The following CDH13 variants were observed in gnomAD, a reference collection of about 807,000 sequenced individuals.
CDH13 encodes the protein cadherin 13, also known as cadherin-13.
In CDH13, 24 loss-of-function variants were observed where a neutral mutation model predicts 63.8. The observed-to-expected ratio is 0.38, with a 90% CI of 0.27 to 0.53. CDH13 has a LOEUF of 0.53. Among genes scored for constraint, CDH13 ranks in the 20% least tolerant of loss-of-function variants. CDH13 has a pLI of 0.85. For synonymous variants in CDH13, 503 were observed against 355.3 expected (o/e 1.42, Z -4.67); for missense variants, 1,049 against 903.1 (o/e 1.16, Z -2.07).
At chr16:83,209,978 C>T (rs1023304435) in intron 4 of CDH13, among the ~76,000 whole-genome samples, 1 of 152,088 alleles carries the variant, frequency 6.6e-6, no homozygotes, top group Admixed American at 6.5e-5. Flanking sequence ...TGGCTTCGGA[C>T]TGGAGAAGCA....
intron 7 of CDH13, among the ~76,000 whole-genome samples, chr16:83,554,587 G>C (rs189688038): frequency 3.4e-4 from 51 of 152,096 alleles, no homozygotes; most frequent in Non-Finnish European, 6.0e-4. Flanking sequence ...TTATGAAGAG[G>C]GGAGTCTCAC....
At chr16:82,683,832 G>A (rs549037665) in intron 1 of CDH13, among the ~76,000 whole-genome samples, 1 of 152,174 alleles carries the variant, frequency 6.6e-6, no homozygotes, top group Non-Finnish European at 1.5e-5. Flanking sequence ...TCTGGTGATG[G>A]TAGACATTAT....
At chr16:83,490,877 C>G (rs965464199) in intron 7 of CDH13, among the ~76,000 whole-genome samples, 8 of 152,180 alleles carry the variant, frequency 5.3e-5, no homozygotes, top group African/African-American at 1.9e-4. Flanking sequence ...TCGGAAAACC[C>G]TACCAGAATA....
chr16:82,832,794 A>G (rs2038604308), intron 1 of CDH13, among the ~76,000 whole-genome samples: 1 of 152,220 alleles, frequency 6.6e-6, no homozygotes, highest in Non-Finnish European at 1.5e-5. Flanking sequence ...AAAGATAATG[A>G]CCTTCTTGAG....
intron 5 of CDH13, among the ~76,000 whole-genome samples, chr16:83,329,130 T>A (rs2090429724): frequency 6.6e-6 from 1 of 152,212 alleles, no homozygotes; most frequent in South Asian, 2.1e-4. Context: ...ACTCACAGAT[T>A]CCGGAGAACC....
At chr16:83,478,091 C>T (rs1017982866) in intron 6 of CDH13, among the ~76,000 whole-genome samples, 16 of 150,354 alleles carry the variant, frequency 1.1e-4, no homozygotes, top group African/African-American at 3.2e-4. Context: ...ACCCAAGAGG[C>T]GGAGCTTGCA....
intron 3 of CDH13, among the ~76,000 whole-genome samples, chr16:83,116,357 T>C (rs72798376): frequency 0.057 from 8,734 of 152,144 alleles, 350 homozygotes; most frequent in Non-Finnish European, 0.083. Context: ...AGTTGCTGAC[T>C]GCAGGTAGCT....
At chr16:83,619,225 G>C (rs1264060705) in intron 8 of CDH13, among the ~76,000 whole-genome samples, 2 of 152,178 alleles carry the variant, frequency 1.3e-5, no homozygotes, top group African/African-American at 4.8e-5. Context: ...AGAGCGCAGG[G>C]CAGTGAGTGA....
chr16:83,045,965 A>G (rs139495985), intron 3 of CDH13, among the ~76,000 whole-genome samples: 2,092 of 152,284 alleles, frequency 0.014, 30 homozygotes, highest in Non-Finnish European at 0.022. Flanking sequence ...ATGCCTGTGG[A>G]CTTTTGGACC....
chr16:83,178,472 G>C (rs1263687261), intron 4 of CDH13, among the ~76,000 whole-genome samples: 1 of 152,166 alleles, frequency 6.6e-6, no homozygotes, highest in Non-Finnish European at 1.5e-5. Context: ...ACATTTCATA[G>C]ATGGTTATAG....
chr16:82,660,441 C>A (rs375475902), intron 1 of CDH13, among the ~76,000 whole-genome samples: 211 of 139,414 alleles, frequency 1.5e-3, no homozygotes, highest in African/African-American at 6.3e-3. Context: ...CCTGCCGGGG[C>A]GTGCGGGGAA....
chr16:83,186,086 TTTTATTTTATTTTA>T (rs2038511420), intron 4 of CDH13, among the ~76,000 whole-genome samples: 1 of 22,924 alleles, frequency 4.4e-5, no homozygotes, highest in Non-Finnish European at 8.5e-5. Context: ...CATCTTTTTA[TTTTATTTTATTTTA>T]TTTTATTTTA....
chr16:82,915,893 C>G (rs969871577), intron 2 of CDH13, among the ~76,000 whole-genome samples: 2 of 150,384 alleles, frequency 1.3e-5, no homozygotes, highest in Admixed American at 6.7e-5. Context: ...CCTCTGGAAT[C>G]CTGGCTAACT....
intron 3 of CDH13, among the ~76,000 whole-genome samples, chr16:83,073,346 TGTGTGTGTGAGAGAGA>T (rs2032584739): frequency 7.7e-6 from 1 of 129,676 alleles, no homozygotes; most frequent in African/African-American, 3.2e-5. Context: ...TGTGTGTGTG[TGTGTGTGTGAGAGAGA>T]GAGAGAGAGA....
chr16:83,767,588 G>A (rs1448765489), intron 11 of CDH13, among the ~76,000 whole-genome samples: 2 of 152,066 alleles, frequency 1.3e-5, no homozygotes, highest in African/African-American at 4.8e-5. Context: ...ACAAAAAGTG[G>A]AAACAACTCC....
chr16:83,788,604 T>A (rs1338104171), intron 13 of CDH13, among the ~76,000 whole-genome samples: 1 of 152,152 alleles, frequency 6.6e-6, no homozygotes, highest in Non-Finnish European at 1.5e-5. Context: ...TTCCCACTTC[T>A]CATCTCTCAA....
chr16:83,107,890 G>C (rs999422263), intron 3 of CDH13, among the ~76,000 whole-genome samples: 3 of 151,788 alleles, frequency 2.0e-5, no homozygotes, highest in African/African-American at 7.3e-5. Flanking sequence ...TGTGATCTCG[G>C]CTCACTGCAA....
At chr16:83,293,359 T>A (rs540207641) in intron 5 of CDH13, among the ~76,000 whole-genome samples, 1 of 152,116 alleles carries the variant, frequency 6.6e-6, no homozygotes, top group South Asian at 2.1e-4. Flanking sequence ...TTGCTCTAAT[T>A]TGGGAGATAC....
chr16:82,714,712 T>TAAAAAA lies in CDH13; in HGVS notation c.45+87597_45+87602dup, dbSNP rs71146088. ...CTAGGCGACAGAGCAAGACTCCATC[T>TAAAAAA]AAAAAAAAAAAAAAAAAAAAAAAAA... On this transcript the variant is annotated intron_variant, in intron 1 of 13. Coordinates refer to ENST00000567109, the MANE Select transcript of CDH13 (RefSeq NM_001257.5). 1.7e-3 allele frequency among the ~76,000 whole-genome samples: 52 copies of TAAAAAA among 30,024 alleles called. 6 individuals are homozygous for TAAAAAA. Among genetic ancestry groups the TAAAAAA allele is most frequent in the African/African-American group, 6.4e-3 (51 of 8,018 alleles). The allele number at this position is 30,024 out of a possible 152,430, so 19.7% of individuals were successfully genotyped here.
Sources: gnomAD v4.1 joint callset for allele counts (sites outside exome capture counted in the v4.1 genomes callset) on GRCh38, gnomAD v4.1.1 for gene constraint, MANE v1.5 for transcripts, NCBI Gene and HGNC (gene_info 2026-07-23, HGNC 2026-07-21) for gene names.